Variants in TRIP13 observed in about 807,000 individuals in gnomAD.
TRIP13 encodes pachytene checkpoint protein 2 homolog.
TRIP13 carries 25 observed loss-of-function variants against 54.4 expected under a neutral mutation model. The observed-to-expected ratio is 0.46, with a 90% CI of 0.33 to 0.64. The LOEUF (loss-of-function observed/expected upper bound fraction) is 0.64. Ranked by LOEUF, TRIP13 falls within the 30% of genes least tolerant of loss-of-function variation. TRIP13 has a pLI of 0.02. For synonymous variants in TRIP13, 207 were observed against 207.8 expected, an observed-to-expected ratio of 1.00 and a Z score of 0.03; for missense variants, 373 against 534.2, an observed-to-expected ratio of 0.70 and a Z score of 2.97.
chr5:892,926 T>TGTGGCGGCGACGCTGGGCGTGAG lies in TRIP13; in HGVS notation c.-63_-41dup, dbSNP rs1753688890. Reference sequence around the variant, plus strand: ...GGGGCCCGCGGGCTGAGGCAGCGGCTGTGGCGGCGACGCTGGGCGTGAGGT... The same window carrying TGTGGCGGCGACGCTGGGCGTGAG: ...GGGGCCCGCGGGCTGAGGCAGCGGCTGTGGCGGCGACGCTGGGCGTGAGGTGGCGGCGACGCTGGGCGTGAGGT... On this transcript the variant is annotated 5_prime_UTR_variant, in exon 1 of 13. Coordinates refer to ENST00000166345, the MANE Select transcript of TRIP13 (RefSeq NM_004237.4). The TGTGGCGGCGACGCTGGGCGTGAG allele has an allele frequency of 1.5e-6, 2 of 1,345,468 alleles. No homozygotes were observed. The highest frequency in any genetic ancestry group is 3.0e-5 in the East Asian group (1 of 33,646). 83.3% of individuals were successfully genotyped at this position (1,345,468 alleles called of 1,614,324 possible). A position where few individuals can be genotyped will look rare whatever the true frequency, so the allele number is the denominator to read the frequency against.
intron 11 of TRIP13, 152 bp downstream of exon 11, chr5:914,729 G>GTT: frequency 1.6e-6 from 1 of 627,904 alleles, no homozygotes; most frequent in Admixed American, 2.4e-5. Context: ...ACGTGTGTGT[G>GTT]TGTGTGTGTG....
At position 915,932 on chromosome 5, in the gene TRIP13, C is replaced by G; in HGVS notation, c.1162C>G (p.Leu388Val). The part of the protein sequence containing the change: ...RKSEGLSGRV[L>V]RKLPFLAHAL... ...GAGCGAGGGCCTCAGCGGCCGGGTC[C>G]TGAGAAAACTCCCCTTTCTGGCTCA... The change falls in exon 12 of 13, where the codon CTG (leucine) becomes GTG (valine). Residue 388 changes from leucine to valine, a missense_variant. Leu to Val is a conservative substitution (Grantham distance 32, BLOSUM62 1). Around this residue, in one of 4 missense-constraint regions of TRIP13, gnomAD observed 101 missense variants for 138.5 expected, o/e 0.73. Coordinates refer to ENST00000166345, the MANE Select transcript of TRIP13 (RefSeq NM_004237.4). This position sits in a 1 kb window ranked among gnomAD's most constrained non-coding sequence, Gnocchi z 4.2. The G allele has an allele frequency of 1.9e-6, 3 of 1,614,134 alleles. No homozygotes were observed. The highest frequency in any genetic ancestry group is 1.7e-6 in the Non-Finnish European group (2 of 1,179,994).
At chr5:900,677 C>G (rs1482557432) in intron 4 of TRIP13, 128 bp downstream of exon 4, 6 of 898,448 alleles carry the variant, frequency 6.7e-6, no homozygotes, top group Non-Finnish European at 3.4e-6. Flanking sequence ...GCTGGCAGCC[C>G]TTGTCCTGGA....
intron 12 of TRIP13, 144 bp from the exon 13 acceptor site, chr5:916,864 G>GTGGTGCGCACTCAC (rs1192628290): frequency 1.8e-6 from 1 of 559,340 alleles, no homozygotes; most frequent in East Asian, 3.2e-5. Context: ...CTGGACGTGT[G>GTGGTGCGCACTCAC]TGGTGCGCAC....
At position 907,328 on chromosome 5, in the gene TRIP13, T is replaced by C; in HGVS notation, c.672+135T>C. ...GGTGTGTGAGGATTGGGGCTGACTG[T>C]GATCAGAGAAGGTTCCGGAGCTGGG... On this transcript the variant is annotated intron_variant, in intron 7 of 12. Coordinates refer to ENST00000166345, the MANE Select transcript of TRIP13 (RefSeq NM_004237.4). The surrounding 1 kb of genome is among the most constrained non-coding windows in gnomAD (Gnocchi z 4.1). The C allele has an allele frequency of 1.3e-6, 1 of 792,524 alleles. No individual in the cohort carries two copies. Among genetic ancestry groups the C allele is most frequent in the Non-Finnish European group, 2.0e-6 (1 of 490,060 alleles). The allele number at this position is 792,524 out of a possible 1,614,324, so 49.1% of individuals were successfully genotyped here.
chr5:916,682 C>G (rs1754347248), intron 12 of TRIP13, among the ~76,000 whole-genome samples: 1 of 152,170 alleles, frequency 6.6e-6, no homozygotes, highest in Non-Finnish European at 1.5e-5. Flanking sequence ...GGTGGGCCCT[C>G]CAGGGTCTGC....
intron 10 of TRIP13, among the ~76,000 whole-genome samples, 188 bp from the exon 11 acceptor site, chr5:914,277 C>T (rs777633272): frequency 3.3e-5 from 5 of 152,154 alleles, no homozygotes; most frequent in Non-Finnish European, 4.4e-5. Flanking sequence ...AGAATGTGTA[C>T]GCTGAGAGGC....
At chr5:909,235 A>G (rs139663214) in intron 9 of TRIP13, among the ~76,000 whole-genome samples, 3 of 152,244 alleles carry the variant, frequency 2.0e-5, no homozygotes, top group East Asian at 3.9e-4. Flanking sequence ...CAAGTTTATC[A>G]AGCTTAAGGA....
At chr5:894,508 G>A (rs6555570) in intron 1 of TRIP13, among the ~76,000 whole-genome samples, 13,705 of 152,230 alleles carry the variant, frequency 0.09, 987 homozygotes, top group African/African-American at 0.2. Context: ...AACACTTTGA[G>A]TGTATTAATG....
intron 2 of TRIP13, among the ~76,000 whole-genome samples, chr5:896,292 C>T (rs919341289): frequency 2.6e-5 from 4 of 151,852 alleles, no homozygotes; most frequent in African/African-American, 9.7e-5. Context: ...CTAGCCTGGG[C>T]GACAAAGCAA....
chr5:917,043 C>T lies in TRIP13; in HGVS notation c.1239C>T (p.Ala413=). 6.2e-7 allele frequency: 1 copy of T among 1,614,124 alleles called. No individual in the cohort carries two copies. The highest frequency in any genetic ancestry group is 1.7e-5 in the Admixed American group (1 of 60,024). ...TCACCATAGAGGGGTTCCTCCAGGC[C>T]CTGTCTCTGGCAGTGGACAAGCAGT... The part of the protein sequence containing the change: ...PTVTIEGFLQ[A]LSLAVDKQFE... The change falls in exon 13 of 13, where the codon GCC becomes GCT. Residue 413 remains alanine, a synonymous_variant. Transcript: ENST00000166345.
intron 6 of TRIP13, 150 bp from the exon 7 acceptor site, chr5:906,980 G>A (rs552251718): frequency 1.3e-5 from 8 of 638,304 alleles, no homozygotes; most frequent in East Asian, 2.7e-5. Flanking sequence ...TTTAGTACAC[G>A]GAGGGCTGGA....
chr5:892,974 G>C lies in TRIP13; in HGVS notation c.-25G>C. ...GGTGGCGGCGGCCGCGCCCTGGTTGGGTCCCCACTGCTCTCGGGGGCGCCA... is the reference window on the plus strand; with the variant it reads ...GGTGGCGGCGGCCGCGCCCTGGTTGCGTCCCCACTGCTCTCGGGGGCGCCA... On this transcript the variant is annotated 5_prime_UTR_variant, in exon 1 of 13. Transcript: ENST00000166345. 1 of 1,531,636 alleles carries C rather than the reference G, an allele frequency of 6.5e-7. No individual in the cohort carries two copies. Among genetic ancestry groups the C allele is most frequent in the South Asian group, 1.2e-5 (1 of 82,544 alleles). The allele number at this position is 1,531,636 out of a possible 1,614,324, so 94.9% of individuals were successfully genotyped here.
rs1396928244 is a variant in TRIP13, at chr5:911,815, T to G, written c.867-28T>G. Reference sequence around the variant, plus strand: ...TTGGGTCACCGACAGCCGTGATGACTGTGGTGCTTGCTTCTCGGCCACAAC... The same window carrying G: ...TTGGGTCACCGACAGCCGTGATGACGGTGGTGCTTGCTTCTCGGCCACAAC... On this transcript the variant is annotated intron_variant, in intron 9 of 12. Transcript: ENST00000166345. The surrounding 1 kb of genome is among the most constrained non-coding windows in gnomAD (Gnocchi z 4.7). The G allele has an allele frequency of 6.3e-7, 1 of 1,599,260 alleles. No homozygotes were observed. The highest frequency in any genetic ancestry group is 1.4e-5 in the African/African-American group (1 of 74,038).
rs148293235 is a variant in TRIP13, at chr5:912,185, T to G, written c.1020+189T>G. On this transcript the variant is annotated intron_variant, in intron 10 of 12. Coordinates refer to ENST00000166345, the MANE Select transcript of TRIP13 (RefSeq NM_004237.4). This position sits in a 1 kb window ranked among gnomAD's most constrained non-coding sequence, Gnocchi z 7.2. ...GATAGTTGAAACTAGGGCCACTGAC[T>G]CAATATTTTTGTTCTTTTGGCACAA... 3.8e-3 allele frequency among the ~76,000 whole-genome samples: 582 copies of G among 152,282 alleles called. 6 individuals carry two copies. The highest frequency in any genetic ancestry group is 0.013 in the African/African-American group (530 of 41,562).
rs1348563099 is a variant in TRIP13, at chr5:907,460, C to G, written c.672+267C>G. 1.3e-5 allele frequency among the ~76,000 whole-genome samples: 2 copies of G among 152,204 alleles called. No individual in the cohort carries two copies. The highest frequency in any genetic ancestry group is 3.9e-4 in the East Asian group (2 of 5,182). On this transcript the variant is annotated intron_variant, in intron 7 of 12. Transcript: ENST00000166345. The surrounding 1 kb of genome is among the most constrained non-coding windows in gnomAD (Gnocchi z 4.1). ...GGCTGGCACTCAGGGGACTGCAGCC[C>G]TGCCATGCATGTCCTTGGTGCTCAT... is the stretch of plus-strand genomic sequence containing the variant.
chr5:900,526 T>C lies in TRIP13; in HGVS notation c.421T>C (p.Tyr141His). 6.2e-7 allele frequency: 1 copy of C among 1,611,922 alleles called. No homozygotes were observed. Among genetic ancestry groups the C allele is most frequent in the Non-Finnish European group, 8.5e-7 (1 of 1,179,574 alleles). The stretch of plus-strand genomic sequence containing the variant: ...CCATGGGCTTTGGGACAGCTTGGTA[T>C]ACGATGTGGAAGTCAAATCCCATGT... ...EFHGLWDSLV[Y>H]DVEVKSHLLD... Residue 141 changes from tyrosine (Y) to histidine (H), a missense_variant, in exon 4 of 13, where the codon TAC (tyrosine) becomes CAC (histidine). Physicochemically the swap from Tyr to His is moderately conservative, Grantham distance 83. Around this residue, in one of 4 missense-constraint regions of TRIP13, gnomAD observed 119 missense variants for 223.0 expected, o/e 0.53. Coordinates refer to ENST00000166345, the MANE Select transcript of TRIP13 (RefSeq NM_004237.4).
At chr5:894,714 T>C (rs1269287074) in intron 1 of TRIP13, 73 bp from the exon 2 acceptor site, 1 of 1,508,212 alleles carries the variant, frequency 6.6e-7, no homozygotes, top group Non-Finnish European at 8.8e-7. Context: ...GTCTGAGTTT[T>C]TCAAAACACT....
Position 912,098 on chromosome 5 carries a change from C to A in TRIP13, c.1020+102C>A. ...AAGCTCGTTCCAGTACGGAGGATTT[C>A]AACATATGCATTAACTCCCTTCTTA... is the stretch of plus-strand genomic sequence containing the variant. On this transcript the variant is annotated intron_variant, in intron 10 of 12. Transcript: ENST00000166345. This position sits in a 1 kb window ranked among gnomAD's most constrained non-coding sequence, Gnocchi z 7.2. 7.2e-7 allele frequency: 1 copy of A among 1,389,200 alleles called. No individual in the cohort carries two copies. Among genetic ancestry groups the A allele is most frequent in the South Asian group, 1.4e-5 (1 of 70,796 alleles). 86.1% of individuals were successfully genotyped at this position (1,389,200 alleles called of 1,614,324 possible). A position where few individuals can be genotyped will look rare whatever the true frequency, so the allele number is the denominator to read the frequency against.
Sources: gnomAD v4.1 joint callset for allele counts (sites outside exome capture counted in the v4.1 genomes callset) on GRCh38, gnomAD v4.1.1 for gene constraint, gnomAD v4.1.1 regional missense constraint, Gnocchi (gnomAD v3.1) non-coding constraint, MANE v1.5 for transcripts, NCBI Gene and HGNC (gene_info 2026-07-23, HGNC 2026-07-21) for gene names.